LOC728743: variants seen among roughly 807,000 people sequenced by gnomAD.
the LOC728743 span, among the ~76,000 whole-genome samples, chr7:150,401,376 C>G: frequency 6.6e-6 from 1 of 152,206 alleles, no homozygotes; most frequent in Non-Finnish European, 1.5e-5. Context: ...GCCGCTCAGC[C>G]ATGCAATAGC....
At chr7:150,408,397 G>T in the LOC728743 span, 3 of 361,222 alleles carry the variant, frequency 8.3e-6, no homozygotes, top group East Asian at 1.2e-4. Flanking sequence ...GCCCGCTCGC[G>T]TTCCTCCCTC....
chr7:150,408,057 TGCCCGCGCCGC>T, the LOC728743 span: 1 of 387,996 alleles, frequency 2.6e-6, no homozygotes, highest in Non-Finnish European at 4.6e-6. Flanking sequence ...CACGCGCGCA[TGCCCGCGCCGC>T]ACCCGCGCCG....
At chr7:150,406,090 G>C in the LOC728743 span, among the ~76,000 whole-genome samples, 1 of 152,180 alleles carries the variant, frequency 6.6e-6, no homozygotes, top group Non-Finnish European at 1.5e-5. Flanking sequence ...GCTGCCTGTG[G>C]AAAAGACTTG....
chr7:150,404,552 A>G, the LOC728743 span: 5 of 152,286 alleles, frequency 3.3e-5, no homozygotes, highest in Non-Finnish European at 7.3e-5. Context: ...CGAGATCATA[A>G]CATGGAAAAG....
chr7:150,404,335 C>G, the LOC728743 span, among the ~76,000 whole-genome samples: 1 of 152,224 alleles, frequency 6.6e-6, no homozygotes, highest in Non-Finnish European at 1.5e-5. Context: ...CTATTTATGT[C>G]TGAGGGTCTC....
the LOC728743 span, chr7:150,407,824 C>G: frequency 4.8e-6 from 2 of 412,738 alleles, no homozygotes; most frequent in Middle Eastern, 3.4e-4. Context: ...TCGTGTGTCC[C>G]GAGTGCGGCA....
At chr7:150,407,969 G>A in the LOC728743 span, 5 of 404,372 alleles carry the variant, frequency 1.2e-5, no homozygotes, top group Non-Finnish European at 1.8e-5. Flanking sequence ...CATCCACAGC[G>A]GCGAGAAGCC....
At chr7:150,404,179 G>GA in the LOC728743 span, among the ~76,000 whole-genome samples, 2 of 152,190 alleles carry the variant, frequency 1.3e-5, no homozygotes, top group Non-Finnish European at 1.5e-5. Flanking sequence ...AGGCCACAGA[G>GA]AAAAAAGCCT....
chr7:150,409,997 A>T, the LOC728743 span, among the ~76,000 whole-genome samples: 4 of 152,154 alleles, frequency 2.6e-5, no homozygotes, highest in East Asian at 7.7e-4. Context: ...TGGGATTCGT[A>T]ATCCTTGCAG....
the LOC728743 span, among the ~76,000 whole-genome samples, chr7:150,409,180 T>G: frequency 4.2e-5 from 6 of 143,148 alleles, no homozygotes; most frequent in Admixed American, 6.9e-5. Context: ...TGTCTCCAGG[T>G]GTCCCAAGGG....
the LOC728743 span, chr7:150,405,148 C>T: frequency 6.6e-6 from 1 of 152,264 alleles, no homozygotes; most frequent in Non-Finnish European, 1.5e-5. Flanking sequence ...CCGGCCCCCG[C>T]ATGGTCGCCG....
At chr7:150,401,519 CAGG>C in the LOC728743 span, among the ~76,000 whole-genome samples, 1 of 152,232 alleles carries the variant, frequency 6.6e-6, no homozygotes, top group African/African-American at 2.4e-5. Context: ...CTTTAGGCAG[CAGG>C]AGGAGTATTG....
the LOC728743 span, chr7:150,405,286 G>A: frequency 1.3e-5 from 2 of 152,292 alleles, no homozygotes; most frequent in Non-Finnish European, 2.9e-5. Context: ...CGGCGCTGCA[G>A]CGGAGACGGA....
At chr7:150,407,708 G>A in the LOC728743 span, 1 of 399,598 alleles carries the variant, frequency 2.5e-6, no homozygotes, top group Non-Finnish European at 4.4e-6. Context: ...CCACCCTGCA[G>A]AGGAGCAGCC....
At chr7:150,408,277 G>A in the LOC728743 span, 7 of 375,010 alleles carry the variant, frequency 1.9e-5, no homozygotes, top group Non-Finnish European at 3.3e-5. Context: ...GTGCGTCCCC[G>A]ACCCCTGGAG....
the LOC728743 span, chr7:150,408,115 C>T: frequency 1.0e-5 from 4 of 382,774 alleles, no homozygotes. Context: ...CCTACTTCTG[C>T]CCCCGCTGCG....
At chr7:150,407,016 C>T in the LOC728743 span, among the ~76,000 whole-genome samples, 4 of 152,202 alleles carry the variant, frequency 2.6e-5, no homozygotes, top group Admixed American at 1.3e-4. Context: ...CCACCCTTTT[C>T]TCCAAGTTTG....
At chr7:150,410,420 C>T in the LOC728743 span, 1 of 379,160 alleles carries the variant, frequency 2.6e-6, no homozygotes, top group East Asian at 3.7e-5. Flanking sequence ...CAGACCTCAT[C>T]CTGGCTGCCT....
chr7:150,406,523 C>T, the LOC728743 span, among the ~76,000 whole-genome samples: 1 of 152,134 alleles, frequency 6.6e-6, no homozygotes, highest in Non-Finnish European at 1.5e-5. Flanking sequence ...AGACAGGAGA[C>T]TTAAGGCCTA....
Sources: allele counts gnomAD v4.1 joint callset (sites outside exome capture counted in the v4.1 genomes callset), GRCh38; gene constraint gnomAD v4.1.1; transcripts MANE v1.5.